The following PLEKHO1 variants were observed in gnomAD, a reference collection of about 807,000 sequenced individuals.
PLEKHO1 encodes pleckstrin homology domain containing O1.
PLEKHO1 carries 22 observed loss-of-function variants against 41.4 expected under a neutral mutation model. The observed-to-expected ratio is 0.53, with a 90% confidence interval of 0.38 to 0.76. The LOEUF is 0.76. Ranked by LOEUF, PLEKHO1 falls within the 30% of genes least tolerant of loss-of-function variation. The pLI is 0.00. For synonymous variants in PLEKHO1, 225 were observed against 210.8 expected, an observed-to-expected ratio of 1.07 and a Z score of -0.58; for missense variants, 488 against 518.3, an observed-to-expected ratio of 0.94 and a Z score of 0.57.
At chr1:150,151,897 A>G (rs1455992151) in intron 2 of PLEKHO1, among the ~76,000 whole-genome samples, 1 of 152,154 alleles carries the variant, frequency 6.6e-6, no homozygotes, top group East Asian at 1.9e-4. Context: ...AATTGCCCCT[A>G]CAGTGGTTAG....
intron 2 of PLEKHO1, chr1:150,154,174 A>G (rs1660074174): frequency 6.6e-6 from 1 of 152,264 alleles, no homozygotes; most frequent in Non-Finnish European, 1.5e-5. Context: ...TCACACACCC[A>G]ACACTTTCCT....
chr1:150,159,238 A>T lies in PLEKHO1; in HGVS notation c.945A>T (p.Lys315Asn), dbSNP rs1559964285. ...LSRIQDLVAR[K>N]LEETQELLAE... ...GGATCCAGGACCTGGTAGCAAGGAA[A>T]CTGGAGGAGACTCAGGAGCTTCTGG... Residue 315 changes from lysine to asparagine, a missense_variant, in exon 6 of 6, where the codon AAA becomes AAT. Lys to Asn is a moderately conservative substitution (Grantham distance 94). Coordinates refer to ENST00000369124, the MANE Select transcript of PLEKHO1 (RefSeq NM_016274.6). 6.2e-7 allele frequency: 1 copy of T among 1,614,140 alleles called. No individual in the cohort carries two copies. Among genetic ancestry groups the T allele is most frequent in the South Asian group, 1.1e-5 (1 of 91,080 alleles).
Position 150,159,030 on chromosome 1 carries a change from A to G in PLEKHO1, c.737A>G (p.Lys246Arg). Residue 246 changes from lysine to arginine, a missense_variant, in exon 6 of 6, where the codon AAA becomes AGA. By Grantham distance (26) the Lys-to-Arg change is conservative. Transcript: ENST00000369124. ...RASSLSRPWE[K>R]TDKGATYTPQ... ...AGCAGTCTCTCCCGACCTTGGGAAA[A>G]AACAGACAAAGGGGCCACCTACACC... 1 of 1,613,998 alleles carries G rather than the reference A, an allele frequency of 6.2e-7. No homozygotes were observed. The highest frequency in any genetic ancestry group is 1.1e-5 in the South Asian group (1 of 91,072).
intron 2 of PLEKHO1, among the ~76,000 whole-genome samples, chr1:150,151,454 C>A (rs1659925654): frequency 1.3e-5 from 2 of 152,184 alleles, no homozygotes; most frequent in South Asian, 4.1e-4. Flanking sequence ...CTTAACCCAG[C>A]CAGCCTCCCC....
Position 150,157,442 on chromosome 1 carries a change from C to T in PLEKHO1, c.481C>T (p.Gln161Ter). 6.2e-7 allele frequency: 1 copy of T among 1,614,076 alleles called. No homozygotes were observed. Among genetic ancestry groups the T allele is most frequent in the Non-Finnish European group, 8.5e-7 (1 of 1,179,978 alleles). Reference sequence around the variant, plus strand: ...TCCCACTCGAGACAGGGCAAAAATCCAGCACTCCCGCCGCCCCCCAACAAG... The same window carrying T: ...TCCCACTCGAGACAGGGCAAAAATCTAGCACTCCCGCCGCCCCCCAACAAG... ...AHPTRDRAKI[Q>*]HSRRPPTRGH... is the part of the protein sequence containing the mutation. Residue 161 changes from glutamine (Q) to a stop codon, truncating the protein, a stop_gained, in exon 5 of 6, where the codon CAG (glutamine) becomes TAG (stop). Coordinates refer to ENST00000369124, the MANE Select transcript of PLEKHO1 (RefSeq NM_016274.6). LOFTEE classifies it high-confidence loss of function.
At chr1:150,154,483 C>G (rs1660086498) in intron 2 of PLEKHO1, 1 of 152,302 alleles carries the variant, frequency 6.6e-6, no homozygotes, top group Non-Finnish European at 1.5e-5. Flanking sequence ...GACATCTGTC[C>G]TCATCTGTCA....
At chr1:150,153,540 C>G (rs1471155962) in intron 2 of PLEKHO1, 5 of 151,828 alleles carry the variant, frequency 3.3e-5, no homozygotes, top group African/African-American at 1.2e-4. Context: ...ACTGTTAATG[C>G]AAGAAAATTT....
chr1:150,151,104 C>G (rs1553818891), intron 2 of PLEKHO1, 46 bp downstream of exon 2: 1 of 1,607,192 alleles, frequency 6.2e-7, no homozygotes, highest in East Asian at 2.2e-5. Context: ...ATAGCCCCCA[C>G]TTTGTCACTC....
chr1:150,158,697 A>AT (rs2101692722), intron 5 of PLEKHO1, 122 bp from the exon 6 acceptor site: 1 of 726,854 alleles, frequency 1.4e-6, no homozygotes, highest in East Asian at 2.5e-5. Flanking sequence ...TCTAAAAAAA[A>AT]GTACTTCTCA....
intron 2 of PLEKHO1, chr1:150,153,876 T>C (rs1660059105): frequency 6.6e-6 from 1 of 151,806 alleles, no homozygotes; most frequent in Non-Finnish European, 1.5e-5. Flanking sequence ...ATTTGGAAGA[T>C]GGGTAGTTAT....
rs1553818751 is a variant in PLEKHO1, at chr1:150,150,912, G to A, written c.31G>A (p.Gly11Arg). 1 of 1,613,466 alleles carries A rather than the reference G, an allele frequency of 6.2e-7. No homozygotes were observed. Among genetic ancestry groups the A allele is most frequent in the South Asian group, 1.1e-5 (1 of 91,070 alleles). The change falls in exon 2 of 6, where the codon GGA becomes AGA. Residue 11 changes from glycine to arginine, a missense_variant and splice_region_variant. Gly to Arg is a moderately radical substitution (Grantham distance 125, BLOSUM62 -2). This residue lies in a region of PLEKHO1 where 92 missense variants were observed against 82.3 expected (regional missense o/e 1.12). Coordinates refer to ENST00000369124, the MANE Select transcript of PLEKHO1 (RefSeq NM_016274.6). MMKKNNSAKR[G>R]PQDGNQQPAP... ...CGCTTCTCATCTTGTCCTGGGGCAGGGACCTCAGGATGGAAACCAGCAGCC... is the reference window on the plus strand; with the variant it reads ...CGCTTCTCATCTTGTCCTGGGGCAGAGACCTCAGGATGGAAACCAGCAGCC...
chr1:150,156,932 G>T lies in PLEKHO1; in HGVS notation c.340G>T (p.Ala114Ser). Reference sequence around the variant, plus strand: ...ACAGGCACCCAACCTGATCTTCCTGGCAGTGAGTCCAGAAGAGAAGGAATC... The same window carrying T: ...ACAGGCACCCAACCTGATCTTCCTGTCAGTGAGTCCAGAAGAGAAGGAATC... ...GNTAPNLIFL[A>S]VSPEEKESWI... Residue 114 changes from alanine (A) to serine (S), a missense_variant, in exon 4 of 6, where the codon GCA becomes TCA. Coordinates refer to ENST00000369124, the MANE Select transcript of PLEKHO1 (RefSeq NM_016274.6). 6.2e-7 allele frequency: 1 copy of T among 1,613,082 alleles called. No homozygotes were observed. Among genetic ancestry groups the T allele is most frequent in the African/African-American group, 1.3e-5 (1 of 74,992 alleles).
At position 150,152,085 on chromosome 1, in the gene PLEKHO1, G is replaced by C. The variant is rs587753918; in HGVS notation, c.177+1027G>C. On this transcript the variant is annotated intron_variant, in intron 2 of 5. Coordinates refer to ENST00000369124, the MANE Select transcript of PLEKHO1 (RefSeq NM_016274.6). ...TGAGTTCTAACCTCTTCTGCTTTCT[G>C]CAGTAGACATCCTTATTCAGTAGAT... Among the ~76,000 whole-genome samples the C allele has an allele frequency of 2.0e-5, 3 of 152,266 alleles. No individual in the cohort carries two copies. In the East Asian group the frequency reaches 5.8e-4, roughly 29 times the overall value.
upstream of PLEKHO1, chr1:150,149,826 C>G (rs1012711362): frequency 6.6e-6 from 1 of 152,594 alleles, no homozygotes; most frequent in East Asian, 1.9e-4. Context: ...GGGGAGCGCC[C>G]GAGCTGCGGC....
At chr1:150,157,864 A>G (rs1156925237) in intron 5 of PLEKHO1, among the ~76,000 whole-genome samples, 1 of 152,180 alleles carries the variant, frequency 6.6e-6, no homozygotes, top group Non-Finnish European at 1.5e-5. Context: ...AGTTTCTTTC[A>G]TGCCTCTGAG....
At position 150,158,960 on chromosome 1, in the gene PLEKHO1, C is replaced by T. The variant is rs199760053; in HGVS notation, c.667C>T (p.Arg223Trp). 5.6e-6 allele frequency: 9 copies of T among 1,614,162 alleles called. No individual in the cohort carries two copies. The Admixed American group carries it at 6.7e-5, about 12-fold the overall frequency. ...KSVAQLAGSR[R>W]RADSDRIQPS... Reference sequence around the variant, plus strand: ...TGTGGCCCAGCTGGCAGGGAGCCGGCGGAGAGCGGACTCAGACCGCATCCA... The same window carrying T: ...TGTGGCCCAGCTGGCAGGGAGCCGGTGGAGAGCGGACTCAGACCGCATCCA... The change falls in exon 6 of 6, where the codon CGG (arginine) becomes TGG (tryptophan). Residue 223 changes from arginine (R) to tryptophan (W), a missense_variant. Arg to Trp is a moderately radical substitution (Grantham distance 101). Transcript: ENST00000369124.
In PLEKHO1 at chr1:150,150,956, C is replaced by T; in HGVS notation, c.75C>T (p.Val25=). The T allele has an allele frequency of 6.2e-7, 1 of 1,613,988 alleles. No homozygotes were observed. The highest frequency in any genetic ancestry group is 1.1e-5 in the South Asian group (1 of 91,074). ...GNQQPAPPEK[V]GWVRKFCGKG... ...AGCAGCCTGCACCGCCCGAGAAGGT[C>T]GGCTGGGTCCGGAAATTCTGCGGGA... Residue 25 remains valine (V), a synonymous_variant, in exon 2 of 6, where the codon GTC becomes GTT. Transcript: ENST00000369124.
intron 2 of PLEKHO1, chr1:150,153,627 C>G (rs1243393751): frequency 6.6e-6 from 1 of 152,176 alleles, no homozygotes; most frequent in Non-Finnish European, 1.5e-5. Flanking sequence ...CCACAACCAC[C>G]TCTGCCGTAG....
In PLEKHO1 at chr1:150,158,851, C is replaced by G; in HGVS notation, c.558C>G (p.Thr186=). The change falls in exon 6 of 6, where the codon ACC becomes ACG. Residue 186 remains threonine (T), a synonymous_variant. Coordinates refer to ENST00000369124, the MANE Select transcript of PLEKHO1 (RefSeq NM_016274.6). The part of the protein sequence containing the change: ...ASTSTSDGML[T]LDLIQEEDPS... Reference sequence around the variant, plus strand: ...CCTCTACCTCGGATGGGATGCTGACCTTGGACTTGATCCAAGAGGAAGACC... The same window carrying G: ...CCTCTACCTCGGATGGGATGCTGACGTTGGACTTGATCCAAGAGGAAGACC... 6.2e-7 allele frequency: 1 copy of G among 1,612,290 alleles called. No individual in the cohort carries two copies. Among genetic ancestry groups the G allele is most frequent in the Non-Finnish European group, 8.5e-7 (1 of 1,178,474 alleles).
Sources: gnomAD v4.1 joint callset for allele counts (sites outside exome capture counted in the v4.1 genomes callset) on GRCh38, gnomAD v4.1.1 for gene constraint, gnomAD v4.1.1 regional missense constraint, MANE v1.5 for transcripts, NCBI Gene and HGNC (gene_info 2026-07-23, HGNC 2026-07-21) for gene names.